DOCK3: variants seen among roughly 807,000 people sequenced by gnomAD.
DOCK3 encodes dedicator of cytokinesis protein 3.
In DOCK3, 60 loss-of-function variants were observed where a neutral mutation model predicts 265.6. The ratio of observed to expected loss-of-function variants is 0.23; its 90% CI spans 0.18 to 0.28. DOCK3 has a LOEUF of 0.28. Among genes scored for constraint, DOCK3 ranks in the 10% least tolerant of loss-of-function variants. DOCK3 has a pLI of 1.00. For missense variants in DOCK3, 1,981 were observed against 2,594.3 expected (o/e 0.76, Z 5.14); for synonymous variants, 881 against 938.0 (o/e 0.94, Z 1.11).
Position 50,675,176 on chromosome 3 carries a change from C to A in DOCK3, c.-88C>A, listed in dbSNP as rs2033841127. 1.0e-6 allele frequency: 1 copy of A among 962,828 alleles called. No individual in the cohort carries two copies. The highest frequency in any genetic ancestry group is 1.3e-6 in the Non-Finnish European group (1 of 791,186). The allele number at this position is 962,828 out of a possible 1,614,324, so 59.6% of individuals were successfully genotyped here. ...CGCCGCCTGACCGTCCCCGCCTCGA[C>A]TCGCGGTGCGCCACAGCCGGGCCCG... On this transcript the variant is annotated 5_prime_UTR_variant, in exon 1 of 53. Transcript: ENST00000266037. The surrounding 1 kb of genome is among the most constrained non-coding windows in gnomAD (Gnocchi z 6.1).
At chr3:51,342,659 T>G (rs1355446903) in intron 38 of DOCK3, among the ~76,000 whole-genome samples, 1 of 152,226 alleles carries the variant, frequency 6.6e-6, no homozygotes, top group Non-Finnish European at 1.5e-5. Context: ...CTAATCTGAC[T>G]GAGTCTACCC....
chr3:50,814,009 G>A (rs1011852189), intron 2 of DOCK3, among the ~76,000 whole-genome samples: 17 of 151,932 alleles, frequency 1.1e-4, no homozygotes, highest in Admixed American at 2.6e-4. Context: ...GTATGGGCAC[G>A]GTTTCTTTTC....
intron 5 of DOCK3, among the ~76,000 whole-genome samples, chr3:51,057,056 A>G (rs2081228653): frequency 6.6e-6 from 1 of 152,208 alleles, no homozygotes; most frequent in Non-Finnish European, 1.5e-5. Context: ...AAGGTAATAT[A>G]CTTTCTGGCA....
chr3:51,319,080 A>T (rs2083526961), intron 32 of DOCK3, among the ~76,000 whole-genome samples: 1 of 152,092 alleles, frequency 6.6e-6, no homozygotes, highest in African/African-American at 2.4e-5. Flanking sequence ...CTCCAGGATG[A>T]TGTTAAATAA....
intron 5 of DOCK3, among the ~76,000 whole-genome samples, chr3:50,974,848 T>A (rs2077378075): frequency 7.2e-6 from 1 of 138,384 alleles, no homozygotes; most frequent in Non-Finnish European, 1.6e-5. Context: ...CTTGAAGAGG[T>A]CCTTCACATC....
chr3:50,976,959 T>C (rs1054022311), intron 5 of DOCK3, among the ~76,000 whole-genome samples: 1 of 150,284 alleles, frequency 6.7e-6, no homozygotes, highest in East Asian at 1.9e-4. Context: ...GAGACTAGGA[T>C]TGCAACCCCT....
intron 1 of DOCK3, among the ~76,000 whole-genome samples, chr3:50,701,285 T>C (rs1365459415): frequency 6.6e-6 from 1 of 152,106 alleles, no homozygotes; most frequent in Non-Finnish European, 1.5e-5. Flanking sequence ...ACCCAGCTAA[T>C]TTTTAAATTT....
intron 2 of DOCK3, among the ~76,000 whole-genome samples, chr3:50,792,173 C>T (rs1415668191): frequency 1.4e-5 from 2 of 140,914 alleles, no homozygotes; most frequent in African/African-American, 5.2e-5. Context: ...AGACGTCTTT[C>T]ACTTCTCTGG....
chr3:50,973,041 G>A (rs186602509), intron 5 of DOCK3, among the ~76,000 whole-genome samples: 6 of 12,550 alleles, frequency 4.8e-4, no homozygotes, highest in Admixed American at 1.1e-3. Flanking sequence ...GTGGCATTCA[G>A]TGTGTTTCTT....
At chr3:50,869,332 T>A (rs1383607244) in intron 3 of DOCK3, among the ~76,000 whole-genome samples, 1 of 146,696 alleles carries the variant, frequency 6.8e-6, no homozygotes, top group Admixed American at 6.8e-5. Context: ...TTTATTTATT[T>A]CTGCTGGGAA....
intron 5 of DOCK3, among the ~76,000 whole-genome samples, chr3:50,969,376 T>C (rs1228705914): frequency 6.6e-6 from 1 of 152,162 alleles, no homozygotes; most frequent in African/African-American, 2.4e-5. Flanking sequence ...CTTTACAAGT[T>C]AGATGGGTTT....
In DOCK3 at chr3:51,350,331, G is replaced by A. The variant is rs1288220692; in HGVS notation, c.4046G>A (p.Arg1349His). 1.1e-5 allele frequency: 17 copies of A among 1,611,394 alleles called. No individual in the cohort carries two copies. Among genetic ancestry groups the A allele is most frequent in the African/African-American group, 2.7e-5 (2 of 74,646 alleles). ...TATGACAACATTATGGAGCAGCAAC[G>A]CCTGGAGCCTGAGTTCTTTCGGGTC... is the stretch of plus-strand genomic sequence containing the variant. Reference protein sequence around the residue: ...SYYDNIMEQQRLEPEFFRVGF... With the variant: ...SYYDNIMEQQHLEPEFFRVGF... The change falls in exon 40 of 53, where the codon CGC (arginine) becomes CAC (histidine). Residue 1349 changes from arginine (R) to histidine (H), a missense_variant. Around this residue, in one of 4 missense-constraint regions of DOCK3, gnomAD observed 1,357 missense variants for 1,866.8 expected, o/e 0.73. Coordinates refer to ENST00000266037, the MANE Select transcript of DOCK3 (RefSeq NM_004947.5).
chr3:51,269,979 A>G (rs1399863588), intron 23 of DOCK3, among the ~76,000 whole-genome samples: 1 of 152,170 alleles, frequency 6.6e-6, no homozygotes, highest in Non-Finnish European at 1.5e-5. Flanking sequence ...ACTCGTGTCT[A>G]ATTCCAAAAC....
At chr3:51,325,436 AAATAGG>A (rs1204102623) in intron 32 of DOCK3, among the ~76,000 whole-genome samples, 1 of 152,216 alleles carries the variant, frequency 6.6e-6, no homozygotes, top group African/African-American at 2.4e-5. Flanking sequence ...GGATGTGGAG[AAATAGG>A]AACATTTTTA....
chr3:50,777,683 T>G (rs533978313), intron 1 of DOCK3, among the ~76,000 whole-genome samples: 5 of 152,324 alleles, frequency 3.3e-5, no homozygotes, highest in African/African-American at 1.2e-4. Context: ...GCAGCTGTTG[T>G]AAAAGGGATT....
chr3:50,824,899 G>A (rs1464698198), intron 2 of DOCK3, among the ~76,000 whole-genome samples: 1 of 152,110 alleles, frequency 6.6e-6, no homozygotes, highest in African/African-American at 2.4e-5. Context: ...AAAAGAACAT[G>A]TATCTTTGTA....
At position 50,904,689 on chromosome 3, in the gene DOCK3, A is replaced by G. The variant is rs1447934808; in HGVS notation, c.218+14608A>G. 1.8e-3 allele frequency among the ~76,000 whole-genome samples: 266 copies of G among 151,934 alleles called. 2 individuals are homozygous for G. Among genetic ancestry groups the G allele is most frequent in the African/African-American group, 6.1e-3 (253 of 41,264 alleles). On this transcript the variant is annotated intron_variant, in intron 4 of 52. Coordinates refer to ENST00000266037, the MANE Select transcript of DOCK3 (RefSeq NM_004947.5). ...CTGGATATTAGCCCATTGTCAGATG[A>G]GTAGATTGCAAAAATTTTTTCCCAT...
At chr3:50,824,758 A>G (rs184411286) in intron 2 of DOCK3, among the ~76,000 whole-genome samples, 10 of 152,268 alleles carry the variant, frequency 6.6e-5, no homozygotes, top group Admixed American at 5.2e-4. Context: ...CTATTTTTTC[A>G]TGTAAATTTT....
intron 1 of DOCK3, among the ~76,000 whole-genome samples, chr3:50,726,719 C>G (rs758503998): frequency 1.3e-5 from 2 of 152,130 alleles, no homozygotes; most frequent in African/African-American, 2.4e-5. Context: ...AGAATTTACT[C>G]TTTACAAAAC....
Sources: gnomAD v4.1 joint callset for allele counts (sites outside exome capture counted in the v4.1 genomes callset) on GRCh38, gnomAD v4.1.1 for gene constraint, gnomAD v4.1.1 regional missense constraint, Gnocchi (gnomAD v3.1) non-coding constraint, MANE v1.5 for transcripts, NCBI Gene and HGNC (gene_info 2026-07-23, HGNC 2026-07-21) for gene names.